SLC16A10: variants seen among roughly 807,000 people sequenced by gnomAD.
SLC16A10 encodes solute carrier family 16 member 10.
In SLC16A10, 27 loss-of-function variants were observed where a neutral mutation model predicts 40.0. The observed-to-expected ratio is 0.67, with a 90% CI of 0.50 to 0.93. SLC16A10 has a LOEUF of 0.93. Among genes scored for constraint, SLC16A10 ranks in the 40% least tolerant of loss-of-function variants. The pLI is 0.00. For synonymous variants in SLC16A10, 213 were observed against 249.8 expected, an observed-to-expected ratio of 0.85 and a Z score of 1.39; for missense variants, 529 against 658.2, an observed-to-expected ratio of 0.80 and a Z score of 2.15.
intron 1 of SLC16A10, among the ~76,000 whole-genome samples, chr6:111,157,194 C>T (rs949986313): frequency 3.3e-5 from 5 of 152,218 alleles, no homozygotes; most frequent in Non-Finnish European, 7.3e-5. Flanking sequence ...GCTGAGATTA[C>T]AGGCGTGAGC....
chr6:111,151,589 A>G (rs559835572), intron 1 of SLC16A10, among the ~76,000 whole-genome samples: 6 of 152,358 alleles, frequency 3.9e-5, no homozygotes, highest in African/African-American at 1.4e-4. Flanking sequence ...AACTGTTGCC[A>G]AAGAGGAATT....
At chr6:111,139,877 T>C (rs1771949708) in intron 1 of SLC16A10, among the ~76,000 whole-genome samples, 1 of 152,224 alleles carries the variant, frequency 6.6e-6, no homozygotes, top group South Asian at 2.1e-4. Context: ...CTTACACTCA[T>C]ACAGTATATA....
At chr6:111,204,495 C>G (rs532670128) in intron 3 of SLC16A10, among the ~76,000 whole-genome samples, 22 of 152,174 alleles carry the variant, frequency 1.4e-4, no homozygotes, top group African/African-American at 5.3e-4. Context: ...CACGGAATAC[C>G]TCAGGTGCCA....
chr6:111,168,096 C>T (rs1243050547), intron 1 of SLC16A10, among the ~76,000 whole-genome samples: 1 of 152,028 alleles, frequency 6.6e-6, no homozygotes, highest in East Asian at 1.9e-4. Flanking sequence ...TCTCATTACT[C>T]AGCCTCCCGA....
Position 111,221,993 on chromosome 6 carries a change from C to A in SLC16A10, c.1316-10C>A, listed in dbSNP as rs373574664. Reference sequence around the variant, plus strand: ...TGTTCTCCCTTGGTGACAGCTTTTTCCCTTCTCAGGGTTACTTCGTGACAA... The same window carrying A: ...TGTTCTCCCTTGGTGACAGCTTTTTACCTTCTCAGGGTTACTTCGTGACAA... On this transcript the variant is annotated splice_polypyrimidine_tract_variant and intron_variant, in intron 5 of 5. Transcript: ENST00000368851. 2.5e-6 allele frequency: 4 copies of A among 1,593,968 alleles called. No homozygotes were observed. In the African/African-American group the frequency reaches 5.5e-5, roughly 22 times the overall value.
chr6:111,178,261 C>A, intron 3 of SLC16A10: 1 of 435,470 alleles, frequency 2.3e-6, no homozygotes, highest in Admixed American at 3.1e-5. Context: ...TGGTACACTT[C>A]TGGGAAAATG....
chr6:111,168,201 A>G (rs1346026727), intron 1 of SLC16A10, among the ~76,000 whole-genome samples: 2 of 152,100 alleles, frequency 1.3e-5, no homozygotes, highest in African/African-American at 4.8e-5. Flanking sequence ...GCTGGTCTCG[A>G]ACTCCTGACC....
intron 1 of SLC16A10, among the ~76,000 whole-genome samples, chr6:111,157,085 A>AT (rs1441495170): frequency 6.6e-6 from 1 of 150,748 alleles, no homozygotes; most frequent in East Asian, 2.0e-4. Context: ...CACCCAGCTA[A>AT]TTTTTATATT....
intron 4 of SLC16A10, among the ~76,000 whole-genome samples, chr6:111,217,680 G>C (rs530710266): frequency 6.6e-6 from 1 of 151,982 alleles, no homozygotes; most frequent in African/African-American, 2.4e-5. Context: ...TCGATCTCCC[G>C]ACCTCATGAT....
At chr6:111,166,423 T>G (rs1772474651) in intron 1 of SLC16A10, among the ~76,000 whole-genome samples, 1 of 130,338 alleles carries the variant, frequency 7.7e-6, no homozygotes, top group Non-Finnish European at 1.8e-5. Context: ...AGGGTTTGCA[T>G]GACCACTTTA....
chr6:111,134,019 A>G (rs187549563), intron 1 of SLC16A10, among the ~76,000 whole-genome samples: 40 of 152,362 alleles, frequency 2.6e-4, no homozygotes, highest in Middle Eastern at 6.8e-3. Flanking sequence ...CTGCTAAATC[A>G]GACGCTAACC....
intron 1 of SLC16A10, among the ~76,000 whole-genome samples, chr6:111,167,350 G>A (rs1772493823): frequency 6.6e-6 from 1 of 152,170 alleles, no homozygotes; most frequent in Non-Finnish European, 1.5e-5. Flanking sequence ...ATGAGCAAGG[G>A]CAAGTGTCCC....
At chr6:111,093,610 TAA>T in intron 1 of SLC16A10, among the ~76,000 whole-genome samples, 1 of 152,252 alleles carries the variant, frequency 6.6e-6, no homozygotes, top group Non-Finnish European at 1.5e-5. Flanking sequence ...GCCTTTACGC[TAA>T]AGAGATTTTG....
intron 1 of SLC16A10, among the ~76,000 whole-genome samples, chr6:111,137,666 C>T (rs914126906): frequency 1.3e-5 from 2 of 152,210 alleles, no homozygotes; most frequent in African/African-American, 2.4e-5. Context: ...CTTAGTTGCA[C>T]CAGTTCAGCA....
At chr6:111,095,360 C>A (rs752252295) in intron 1 of SLC16A10, among the ~76,000 whole-genome samples, 1 of 152,152 alleles carries the variant, frequency 6.6e-6, no homozygotes, top group Non-Finnish European at 1.5e-5. Flanking sequence ...TGATTTTATG[C>A]AATTGTTATG....
intron 1 of SLC16A10, among the ~76,000 whole-genome samples, chr6:111,095,747 C>T (rs958832733): frequency 1.6e-4 from 24 of 152,140 alleles, no homozygotes; most frequent in Non-Finnish European, 3.5e-4. Flanking sequence ...AGGGCAGTTC[C>T]CCTGCACACT....
In SLC16A10 at chr6:111,225,391, C is replaced by T. The variant is rs1770974928; in HGVS notation, c.*3156C>T. 1 of 151,934 alleles carries T rather than the reference C, an allele frequency of 6.6e-6. No homozygotes were observed. The highest frequency in any genetic ancestry group is 1.5e-5 in the Non-Finnish European group (1 of 68,016). 9.4% of individuals were successfully genotyped at this position (151,934 alleles called of 1,614,324 possible). On this transcript the variant is annotated 3_prime_UTR_variant, in exon 6 of 6. Transcript: ENST00000368851. ...GAAACACGGTGAAGCTCCATCTCTACTAAAATACAAAAAAATTAGCCAGGC... is the reference window on the plus strand; with the variant it reads ...GAAACACGGTGAAGCTCCATCTCTATTAAAATACAAAAAAATTAGCCAGGC...
At chr6:111,207,667 T>A (rs189967030) in intron 4 of SLC16A10, among the ~76,000 whole-genome samples, 283 of 152,268 alleles carry the variant, frequency 1.9e-3, no homozygotes, top group African/African-American at 6.2e-3. Flanking sequence ...AGTGAAGGGC[T>A]GAGCAGAGTT....
chr6:111,171,678 T>C (rs1343911503), intron 1 of SLC16A10, among the ~76,000 whole-genome samples: 2 of 152,082 alleles, frequency 1.3e-5, no homozygotes, highest in Admixed American at 1.3e-4. Context: ...TAGCCAGGCA[T>C]GGTGGTGCAC....
Sources: allele counts gnomAD v4.1 joint callset (sites outside exome capture counted in the v4.1 genomes callset), GRCh38; gene constraint gnomAD v4.1.1; transcripts MANE v1.5; gene names NCBI Gene and HGNC (gene_info 2026-07-23, HGNC 2026-07-21).